The following PID1 variants were observed in gnomAD, a reference collection of about 807,000 sequenced individuals.
The protein encoded by PID1 is PTB-containing, cubilin and LRP1-interacting protein.
PID1 carries 10 observed loss-of-function variants against 19.1 expected under a neutral mutation model. The observed-to-expected ratio is 0.52, with a 90% confidence interval of 0.32 to 0.89. The LOEUF (loss-of-function observed/expected upper bound fraction) is 0.89, where lower values mean the gene tolerates loss of function less well. Among genes scored for constraint, PID1 ranks in the 40% least tolerant of loss-of-function variants. The pLI is 0.03. For synonymous variants in PID1, 130 were observed against 116.0 expected (o/e 1.12, Z -0.78); for missense variants, 248 against 285.3 (o/e 0.87, Z 0.94).
intron 2 of PID1, among the ~76,000 whole-genome samples, chr2:229,097,889 A>G (rs1176087620): frequency 6.6e-6 from 1 of 152,232 alleles, no homozygotes; most frequent in Non-Finnish European, 1.5e-5. Context: ...AAGCAAACTC[A>G]CTGCCAGTTC....
chr2:229,069,213 T>G (rs537355024), intron 2 of PID1, among the ~76,000 whole-genome samples: 1 of 144,642 alleles, frequency 6.9e-6, no homozygotes, highest in East Asian at 2.1e-4. Context: ...GGTAGAAAAA[T>G]TACATATTTT....
At chr2:229,213,317 C>T (rs1057072190) in intron 1 of PID1, among the ~76,000 whole-genome samples, 7 of 152,188 alleles carry the variant, frequency 4.6e-5, no homozygotes, top group African/African-American at 1.7e-4. Flanking sequence ...ACCATCCAAC[C>T]ATAACCCTCA....
At chr2:229,240,666 T>A (rs1453817495) in intron 1 of PID1, among the ~76,000 whole-genome samples, 1 of 152,160 alleles carries the variant, frequency 6.6e-6, no homozygotes, top group Non-Finnish European at 1.5e-5. Context: ...ATTTTGACTA[T>A]GATTTGCCTA....
intron 2 of PID1, among the ~76,000 whole-genome samples, chr2:229,076,191 G>C (rs868260773): frequency 9.2e-5 from 14 of 152,142 alleles, no homozygotes; most frequent in Non-Finnish European, 5.9e-5. Context: ...TGATTCTTAA[G>C]TAAATTTTGA....
chr2:229,087,819 T>G (rs1451449676), intron 2 of PID1, among the ~76,000 whole-genome samples: 1 of 152,172 alleles, frequency 6.6e-6, no homozygotes, highest in East Asian at 1.9e-4. Flanking sequence ...ACAACACAAG[T>G]AACCTGTTAC....
chr2:229,221,139 G>A (rs1691961095), intron 1 of PID1, among the ~76,000 whole-genome samples: 1 of 152,138 alleles, frequency 6.6e-6, no homozygotes, highest in South Asian at 2.1e-4. Flanking sequence ...ATACTTTTGA[G>A]TAGGGTGGCC....
At chr2:229,051,766 T>A (rs1396704845) in intron 2 of PID1, among the ~76,000 whole-genome samples, 1 of 152,230 alleles carries the variant, frequency 6.6e-6, no homozygotes, top group Non-Finnish European at 1.5e-5. Flanking sequence ...TGCCTCATTG[T>A]AAAGTCTGCA....
At chr2:229,231,727 A>G (rs2106267506) in intron 1 of PID1, among the ~76,000 whole-genome samples, 1 of 152,260 alleles carries the variant, frequency 6.6e-6, no homozygotes, top group South Asian at 2.1e-4. Context: ...AACTTTGGTC[A>G]GTTCTCTCCC....
chr2:229,025,610 T>C lies in PID1; in HGVS notation c.*22A>G. The C allele has an allele frequency of 1.3e-6, 2 of 1,557,668 alleles. No individual in the cohort carries two copies. Among genetic ancestry groups the C allele is most frequent in the Non-Finnish European group, 1.8e-6 (2 of 1,132,324 alleles). ...TGAACTCCGTGACCAATGCTGCCTT[T>C]GCTGAAGCGTCTCAAGTTCATTCAG... On this transcript the variant is annotated 3_prime_UTR_variant, in exon 3 of 3. Transcript: ENST00000392055.
intron 1 of PID1, among the ~76,000 whole-genome samples, chr2:229,221,543 C>T (rs762162866): frequency 1.3e-5 from 2 of 152,110 alleles, no homozygotes; most frequent in African/African-American, 2.4e-5. Flanking sequence ...TTCATCAATG[C>T]CTCTTTCCAT....
Position 229,125,295 on chromosome 2 carries a change from C to T in PID1, c.177+30523G>A, listed in dbSNP as rs151155146. 4.6e-5 allele frequency among the ~76,000 whole-genome samples: 7 copies of T among 151,776 alleles called. No individual in the cohort carries two copies. The East Asian group carries it at 1.4e-3, about 29-fold the overall frequency. ...AATGACATGAATCAGAGCCCTCCAG[C>T]AATGAGTATGTGGTATGAGTAAGAA... On this transcript the variant is annotated intron_variant, in intron 2 of 2. Coordinates refer to ENST00000392055, the MANE Select transcript of PID1 (RefSeq NM_001100818.2).
Position 229,187,879 on chromosome 2 carries a change from C to A in PID1, c.31-31915G>T, listed in dbSNP as rs60536110. ...ACCCTCTTCTCCAGTATCCCTTTTG[C>A]CCCTCTCTCATAAACCCATGCTAAT... On this transcript the variant is annotated intron_variant, in intron 1 of 2. Coordinates refer to ENST00000392055, the MANE Select transcript of PID1 (RefSeq NM_001100818.2). Among the ~76,000 whole-genome samples the A allele has an allele frequency of 4.1e-3, 624 of 152,286 alleles. 8 individuals are homozygous for A. The highest frequency in any genetic ancestry group is 0.015 in the African/African-American group (607 of 41,556).
At chr2:229,262,878 T>C (rs1333345745) in intron 1 of PID1, 4 of 1,530,012 alleles carry the variant, frequency 2.6e-6, no homozygotes, top group Non-Finnish European at 3.5e-6. Context: ...GCCGCTTCTG[T>C]GTCTGCAAAT....
chr2:229,026,398 C>T (rs996927910), intron 2 of PID1, among the ~76,000 whole-genome samples: 16 of 152,260 alleles, frequency 1.1e-4, no homozygotes, highest in Non-Finnish European at 8.8e-5. Context: ...CCAATTAAAA[C>T]GAAGAGTATG....
intron 1 of PID1, among the ~76,000 whole-genome samples, chr2:229,163,425 T>C (rs912792669): frequency 1.3e-5 from 2 of 152,166 alleles, no homozygotes; most frequent in Non-Finnish European, 2.9e-5. Context: ...ATTAAAGAAA[T>C]GGCTATTATT....
intron 1 of PID1, among the ~76,000 whole-genome samples, chr2:229,270,159 T>C (rs1490011960): frequency 1.3e-5 from 2 of 152,258 alleles, no homozygotes; most frequent in Admixed American, 6.5e-5. Context: ...ATGTGGCTCC[T>C]AGCTTGCCAA....
intron 2 of PID1, among the ~76,000 whole-genome samples, chr2:229,116,415 A>G (rs2106154246): frequency 6.6e-6 from 1 of 152,108 alleles, no homozygotes; most frequent in East Asian, 1.9e-4. Context: ...ATCCACACAT[A>G]TCTTGTGTTG....
intron 2 of PID1, among the ~76,000 whole-genome samples, chr2:229,058,495 C>T (rs1465247682): frequency 1.3e-5 from 2 of 152,126 alleles, no homozygotes; most frequent in Admixed American, 6.5e-5. Context: ...ACTGGTTATA[C>T]CGTGAAGATG....
rs148545062 is a variant in PID1 at position 229,186,811 on chromosome 2, A to G, written c.31-30847T>C. Among the ~76,000 whole-genome samples the G allele has an allele frequency of 2.3e-3, 352 of 152,306 alleles. 2 individuals are homozygous for G. Among genetic ancestry groups the G allele is most frequent in the African/African-American group, 8.1e-3 (337 of 41,562 alleles). On this transcript the variant is annotated intron_variant, in intron 1 of 2. Transcript: ENST00000392055. ...GCCAGCTTGGATTTCTCCTCAGAAA[A>G]TGGGACTTCCTTTTCTATTGCATTG...
Sources: allele counts gnomAD v4.1 joint callset (sites outside exome capture counted in the v4.1 genomes callset), GRCh38; gene constraint gnomAD v4.1.1; transcripts MANE v1.5; gene names NCBI Gene and HGNC (gene_info 2026-07-23, HGNC 2026-07-21).